The following CCDC7 variants were observed in gnomAD, a reference collection of about 807,000 sequenced individuals.
The protein encoded by CCDC7 is coiled-coil domain-containing protein 7.
Under a neutral mutation model 196.9 loss-of-function variants are expected in CCDC7, and 183 were observed. The ratio of observed to expected loss-of-function variants is 0.93; its 90% CI spans 0.82 to 1.05. The LOEUF is 1.05. CCDC7 is among the 50% of genes least tolerant of loss of function. The probability of loss-of-function intolerance (pLI) is 0.00; values close to 1 mark genes in which losing one functional copy is unlikely to be tolerated. For missense variants in CCDC7, 1,540 were observed against 1,482.2 expected (o/e 1.04, Z -0.64); for synonymous variants, 525 against 484.6 (o/e 1.08, Z -1.10).
At chr10:32,446,083 TCAGCGACGC>T (rs972095183), upstream of CCDC7, 1 of 152,196 alleles carries the variant, frequency 6.6e-6, no homozygotes, top group Admixed American at 6.5e-5. Flanking sequence ...GCTCGCAGCG[TCAGCGACGC>T]CGGCGGCGCC....
At chr10:32,639,512 C>T (rs911261711) in intron 20 of CCDC7, among the ~76,000 whole-genome samples, 1 of 152,118 alleles carries the variant, frequency 6.6e-6, no homozygotes, top group African/African-American at 2.4e-5. Context: ...AGTAGTCATT[C>T]AGGAGCAGGT....
chr10:32,716,532 A>G (rs1422872105), intron 25 of CCDC7, among the ~76,000 whole-genome samples: 1 of 152,254 alleles, frequency 6.6e-6, no homozygotes, highest in South Asian at 2.1e-4. Context: ...TGACAGGATC[A>G]AATTCACACA....
intron 21 of CCDC7, among the ~76,000 whole-genome samples, chr10:32,669,526 A>G (rs2073615093): frequency 6.6e-6 from 1 of 152,094 alleles, no homozygotes. Flanking sequence ...CTTTTCTTTA[A>G]TAGAATAGTT....
upstream of CCDC7, among the ~76,000 whole-genome samples, chr10:32,450,774 T>C (rs751248522): frequency 5.9e-5 from 9 of 152,200 alleles, no homozygotes; most frequent in African/African-American, 9.6e-5. Context: ...ATTAAGGACA[T>C]ATATTAGCTC....
At chr10:32,618,840 AT>A (rs2063066490) in intron 18 of CCDC7, among the ~76,000 whole-genome samples, 2 of 151,990 alleles carry the variant, frequency 1.3e-5, no homozygotes, top group African/African-American at 4.8e-5. Context: ...TGTTTTCTAA[AT>A]TTTTTGATTG....
chr10:32,458,647 C>A (rs556132131), intron 3 of CCDC7, among the ~76,000 whole-genome samples: 22 of 152,148 alleles, frequency 1.4e-4, no homozygotes, highest in African/African-American at 5.1e-4. Context: ...TGATGCCTGG[C>A]TAACTTTGTA....
At chr10:32,792,537 A>G (rs543997480) in intron 29 of CCDC7, among the ~76,000 whole-genome samples, 2 of 152,366 alleles carry the variant, frequency 1.3e-5, no homozygotes, top group East Asian at 1.9e-4. Flanking sequence ...ATGGTGGCTC[A>G]TGCCTGTAAT....
chr10:32,572,541 T>C (rs1383413510), intron 16 of CCDC7, among the ~76,000 whole-genome samples: 1 of 152,184 alleles, frequency 6.6e-6, no homozygotes, highest in Non-Finnish European at 1.5e-5. Context: ...TAATGATTAA[T>C]GGCCAGAAGT....
chr10:32,750,539 G>T (rs1311974019), intron 28 of CCDC7, among the ~76,000 whole-genome samples: 1 of 152,156 alleles, frequency 6.6e-6, no homozygotes, highest in African/African-American at 2.4e-5. Flanking sequence ...AAAGGTACAT[G>T]CCCACTGCTG....
At chr10:32,562,323 T>C in intron 13 of CCDC7, among the ~76,000 whole-genome samples, 1 of 152,116 alleles carries the variant, frequency 6.6e-6, no homozygotes, top group Non-Finnish European at 1.5e-5. Context: ...CATCCTGATA[T>C]CAAAGCCGGG....
chr10:32,708,397 G>T (rs1213722691), intron 24 of CCDC7, among the ~76,000 whole-genome samples: 2 of 152,218 alleles, frequency 1.3e-5, no homozygotes, highest in East Asian at 3.8e-4. Context: ...ATACCTTTCA[G>T]ATCATAGGCA....
At chr10:32,765,848 T>G (rs1040591029) in intron 28 of CCDC7, among the ~76,000 whole-genome samples, 7 of 152,092 alleles carry the variant, frequency 4.6e-5, no homozygotes, top group African/African-American at 1.7e-4. Context: ...GTAACTGGCA[T>G]GCAAATATTG....
chr10:32,584,267 T>C (rs749265773), exon 18 of CCDC7: 5 of 1,596,968 alleles, frequency 3.1e-6, no homozygotes, highest in South Asian at 2.3e-5. Context: ...AAAAGATGAC[T>C]GAAGAACAAA....
At chr10:32,870,827 G>C (rs2094400623) in intron 41 of CCDC7, among the ~76,000 whole-genome samples, 1 of 152,042 alleles carries the variant, frequency 6.6e-6, no homozygotes, top group Non-Finnish European at 1.5e-5. Context: ...TTTGTCAAAG[G>C]CTTTTTCCGC....
chr10:32,876,313 T>A (rs201265812), intron 41 of CCDC7, 34 bp from the exon 43 acceptor site: 7 of 1,565,308 alleles, frequency 4.5e-6, no homozygotes, highest in Admixed American at 1.8e-5. Flanking sequence ...AAAATTAAAC[T>A]TTTTTTCAAT....
chr10:32,541,751 C>T (rs1347098215), intron 11 of CCDC7, among the ~76,000 whole-genome samples: 1 of 152,226 alleles, frequency 6.6e-6, no homozygotes, highest in East Asian at 1.9e-4. Flanking sequence ...GTCCCAGTGG[C>T]TCCTACCTCA....
Position 32,669,179 on chromosome 10 carries a change from C to G in CCDC7, c.2122+5018C>G, listed in dbSNP as rs568860672. Among the ~76,000 whole-genome samples, 4 of 152,188 alleles carry G rather than the reference C, an allele frequency of 2.6e-5. No homozygotes were observed. The East Asian group carries it at 7.7e-4, about 29-fold the overall frequency. On this transcript the variant is annotated intron_variant, in intron 21 of 41. Coordinates refer to ENST00000639629, the Ensembl canonical transcript of CCDC7. ...TATCATGTGGTTTTTGTCCTTCATT[C>G]TGTTAATGTGATGTATCACATTTAT...
At chr10:32,503,176 A>G (rs1324718935) in intron 9 of CCDC7, among the ~76,000 whole-genome samples, 1 of 152,172 alleles carries the variant, frequency 6.6e-6, no homozygotes, top group Non-Finnish European at 1.5e-5. Flanking sequence ...TTGGACTTCT[A>G]GTACTATGTT....
chr10:32,658,286 G>C (rs1343825342), intron 20 of CCDC7, among the ~76,000 whole-genome samples: 1 of 152,166 alleles, frequency 6.6e-6, no homozygotes, highest in Non-Finnish European at 1.5e-5. Flanking sequence ...CTGAGACTAG[G>C]TAATTTATAG....
Sources: gnomAD v4.1 joint callset for allele counts (sites outside exome capture counted in the v4.1 genomes callset) on GRCh38, gnomAD v4.1.1 for gene constraint, MANE v1.5 for transcripts, NCBI Gene and HGNC (gene_info 2026-07-23, HGNC 2026-07-21) for gene names.